Variants in NUP210L observed in about 807,000 individuals in gnomAD.
NUP210L encodes nucleoporin 210 like.
Under a neutral mutation model 208.5 loss-of-function variants are expected in NUP210L, and 74 were observed. The ratio of observed to expected loss-of-function variants is 0.35; its 90% CI spans 0.29 to 0.43. The LOEUF (loss-of-function observed/expected upper bound fraction) is 0.43, where lower values mean the gene tolerates loss of function less well. NUP210L is among the 20% of genes least tolerant of loss of function. The pLI, the probability that NUP210L is intolerant of heterozygous loss-of-function variation, is 1.00. For synonymous variants in NUP210L, 780 were observed against 816.9 expected (o/e 0.95, Z 0.77); for missense variants, 1,843 against 2,289.4 (o/e 0.81, Z 3.98).
chr1:154,035,652 GC>G (rs776039371), intron 27 of NUP210L, among the ~76,000 whole-genome samples: 7 of 151,846 alleles, frequency 4.6e-5, no homozygotes, highest in Non-Finnish European at 1.0e-4. Flanking sequence ...GCCCACCTGG[GC>G]CTCCTAAAGT....
At chr1:154,006,023 T>C (rs1650508553) in intron 35 of NUP210L, among the ~76,000 whole-genome samples, 1 of 151,270 alleles carries the variant, frequency 6.6e-6, no homozygotes, top group Non-Finnish European at 1.5e-5. Context: ...CGCCCCGCCC[T>C]AATTTTGTAT....
chr1:154,073,015 C>A (rs1654837472), intron 16 of NUP210L, among the ~76,000 whole-genome samples: 1 of 152,186 alleles, frequency 6.6e-6, no homozygotes, highest in Non-Finnish European at 1.5e-5. Context: ...TCTTCACGAT[C>A]TATACATCTG....
intron 23 of NUP210L, among the ~76,000 whole-genome samples, 157 bp from the exon 24 acceptor site, chr1:154,054,989 C>T (rs1653736681): frequency 6.6e-6 from 1 of 152,054 alleles, no homozygotes; most frequent in African/African-American, 2.4e-5. Flanking sequence ...CAGCCTTGAA[C>T]TCCTGGGCTC....
intron 10 of NUP210L, among the ~76,000 whole-genome samples, chr1:154,125,319 G>A (rs1657833682): frequency 6.6e-6 from 1 of 151,794 alleles, no homozygotes; most frequent in Non-Finnish European, 1.5e-5. Context: ...GCATGGTGGT[G>A]GATGCCTATA....
chr1:154,025,424 T>C (rs1289985127), intron 30 of NUP210L, 118 bp downstream of exon 30: 1 of 599,368 alleles, frequency 1.7e-6, no homozygotes. Context: ...TTCTTTTTCT[T>C]TTTTTCTTTA....
chr1:154,035,815 CCTCCGCCTTTCAAGTTCAAGCAATT>C (rs1037720645), intron 27 of NUP210L, among the ~76,000 whole-genome samples: 1 of 151,864 alleles, frequency 6.6e-6, no homozygotes, highest in African/African-American at 2.4e-5. Context: ...CTCATTGCAA[CCTCCGCCTTTCAAGTTCAAGCAATT>C]CTCCTGCCTC....
At chr1:153,992,778 TC>T (rs1649534806) in exon 40 of NUP210L, 1 of 1,175,746 alleles carries the variant, frequency 8.5e-7, no homozygotes. Context: ...AGGCTTCTTG[TC>T]GAGGACTAGA....
chr1:154,010,218 TAAGC>T (rs1650826862), intron 34 of NUP210L, 97 bp from the exon 35 acceptor site: 12 of 1,206,530 alleles, frequency 9.9e-6, no homozygotes, highest in East Asian at 2.4e-5. Flanking sequence ...ATAAAAAAAA[TAAGC>T]AAGAAAGAGG....
At chr1:154,029,477 G>A (rs1652094736) in intron 28 of NUP210L, among the ~76,000 whole-genome samples, 1 of 151,820 alleles carries the variant, frequency 6.6e-6, no homozygotes, top group Non-Finnish European at 1.5e-5. Flanking sequence ...GCCGAGGCAG[G>A]AGGATCACTT....
intron 27 of NUP210L, among the ~76,000 whole-genome samples, chr1:154,036,726 C>A (rs540616404): frequency 2.0e-5 from 3 of 151,994 alleles, no homozygotes; most frequent in Admixed American, 6.6e-5. Flanking sequence ...AGTGCAGGGG[C>A]ACCATTATAG....
intron 27 of NUP210L, among the ~76,000 whole-genome samples, chr1:154,036,953 C>T (rs1251017590): frequency 6.6e-6 from 1 of 151,286 alleles, no homozygotes; most frequent in African/African-American, 2.4e-5. Context: ...TGAAGAAATG[C>T]GGTTTTGACA....
intron 37 of NUP210L, among the ~76,000 whole-genome samples, chr1:153,997,341 A>C (rs372172573): frequency 3.3e-5 from 5 of 150,146 alleles, no homozygotes; most frequent in Non-Finnish European, 5.9e-5. Context: ...AGGTCTCTCT[A>C]TGTTGCGCAG....
intron 33 of NUP210L, among the ~76,000 whole-genome samples, chr1:154,017,450 C>T (rs1651321882): frequency 6.6e-6 from 1 of 151,740 alleles, no homozygotes; most frequent in Non-Finnish European, 1.5e-5. Context: ...GAAATACTTT[C>T]TTCATTTGCC....
intron 16 of NUP210L, among the ~76,000 whole-genome samples, chr1:154,081,530 G>T (rs1655324264): frequency 6.6e-6 from 1 of 152,152 alleles, no homozygotes; most frequent in Non-Finnish European, 1.5e-5. Flanking sequence ...AGGACAGAAA[G>T]ACCAATCATG....
At chr1:153,997,944 G>A (rs1055214464) in intron 37 of NUP210L, among the ~76,000 whole-genome samples, 2 of 151,816 alleles carry the variant, frequency 1.3e-5, no homozygotes, top group Non-Finnish European at 2.9e-5. Context: ...TCCTGACCTT[G>A]TGATCCACCC....
chr1:154,103,632 A>T (rs1656589266), intron 13 of NUP210L, among the ~76,000 whole-genome samples: 1 of 145,320 alleles, frequency 6.9e-6, no homozygotes, highest in Non-Finnish European at 1.5e-5. Flanking sequence ...AGATCGCGCC[A>T]CTGCACTCCA....
chr1:154,154,951 G>C, exon 1 of NUP210L: 1 of 1,614,140 alleles, frequency 6.2e-7, no homozygotes, highest in South Asian at 1.1e-5. Flanking sequence ...AGGGTCCCAC[G>C]CAAAACCAGA....
At chr1:154,054,650 T>C in intron 24 of NUP210L, 120 bp downstream of exon 24, 1 of 804,450 alleles carries the variant, frequency 1.2e-6, no homozygotes, top group Non-Finnish European at 2.1e-6. Flanking sequence ...CTTTATCAGA[T>C]CCACTAGTAC....
intron 31 of NUP210L, 68 bp from the exon 32 acceptor site, chr1:154,022,411 C>T (rs769111561): frequency 4.5e-5 from 56 of 1,238,826 alleles, no homozygotes; most frequent in African/African-American, 7.4e-5. Flanking sequence ...TTCTGGAGAA[C>T]ACCCTACCAC....
Sources: allele counts gnomAD v4.1 joint callset (sites outside exome capture counted in the v4.1 genomes callset), GRCh38; gene constraint gnomAD v4.1.1; transcripts MANE v1.5; gene names NCBI Gene and HGNC (gene_info 2026-07-23, HGNC 2026-07-21).